SEMA6D: variants seen among roughly 807,000 people sequenced by gnomAD.
The protein encoded by SEMA6D is semaphorin 6D, also known as semaphorin-6D.
SEMA6D carries 35 observed loss-of-function variants against 106.6 expected under a neutral mutation model. The ratio of observed to expected loss-of-function variants is 0.33; its 90% CI spans 0.25 to 0.44. The LOEUF is 0.44. Among genes scored for constraint, SEMA6D ranks in the 20% least tolerant of loss-of-function variants. The probability of loss-of-function intolerance (pLI) is 1.00; values close to 1 mark genes in which losing one functional copy is unlikely to be tolerated. For synonymous variants in SEMA6D, 499 were observed against 487.7 expected (o/e 1.02, Z -0.31); for missense variants, 1,185 against 1,345.9 (o/e 0.88, Z 1.87).
intron 2 of SEMA6D, among the ~76,000 whole-genome samples, chr15:47,431,895 C>A (rs2041540356): frequency 6.6e-6 from 1 of 152,024 alleles, no homozygotes; most frequent in South Asian, 2.1e-4. Context: ...TTATTTATTT[C>A]ATAAGTGTCT....
chr15:47,219,695 T>C lies in SEMA6D; in HGVS notation c.-239+35277T>C, dbSNP rs1157294809. On this transcript the variant is annotated intron_variant, in intron 1 of 19. Coordinates refer to the SEMA6D transcript ENST00000558014. ...GCTAGATAGAATTATATTCTGTACT[T>C]TATCAATTAGCTATTGCTACATAAC... Among the ~76,000 whole-genome samples the C allele has an allele frequency of 2.6e-5, 4 of 152,224 alleles. No homozygotes were observed. In the East Asian group the frequency reaches 7.7e-4, roughly 29 times the overall value.
chr15:47,302,560 G>T (rs1250855089), intron 1 of SEMA6D, among the ~76,000 whole-genome samples: 2 of 152,138 alleles, frequency 1.3e-5, no homozygotes, highest in Non-Finnish European at 2.9e-5. Flanking sequence ...TATTCTGGAT[G>T]AGTGGGTGGG....
At chr15:47,764,413 T>A (rs887367301) in intron 11 of SEMA6D, 108 bp downstream of exon 11, 1 of 1,381,890 alleles carries the variant, frequency 7.2e-7, no homozygotes, top group Non-Finnish European at 9.8e-7. Context: ...CAGGAAGGGG[T>A]CCCTCTCTCA....
chr15:47,727,644 C>A (rs756352102), intron 1 of SEMA6D, among the ~76,000 whole-genome samples: 1 of 152,128 alleles, frequency 6.6e-6, no homozygotes, highest in Non-Finnish European at 1.5e-5. Context: ...CTGCTCAGAG[C>A]TAAAGTGGCT....
chr15:47,330,700 G>A (rs2037309418), intron 1 of SEMA6D, among the ~76,000 whole-genome samples: 1 of 152,266 alleles, frequency 6.6e-6, no homozygotes, highest in East Asian at 1.9e-4. Flanking sequence ...AACTCCACAC[G>A]CAAGCAATGA....
chr15:47,726,202 C>T (rs1157370782), intron 1 of SEMA6D, among the ~76,000 whole-genome samples: 1 of 152,262 alleles, frequency 6.6e-6, no homozygotes, highest in Non-Finnish European at 1.5e-5. Flanking sequence ...CTAGCACTTA[C>T]TGTGTGCTTA....
chr15:47,545,618 A>G (rs1185967652), intron 3 of SEMA6D, among the ~76,000 whole-genome samples: 1 of 152,120 alleles, frequency 6.6e-6, no homozygotes, highest in Admixed American at 6.6e-5. Context: ...GATTAATCTA[A>G]ATCTAACTTC....
intron 1 of SEMA6D, among the ~76,000 whole-genome samples, chr15:47,219,010 G>A (rs1245757417): frequency 6.6e-6 from 1 of 152,074 alleles, no homozygotes; most frequent in Admixed American, 6.6e-5. Flanking sequence ...TTCCAAAGCT[G>A]TTCTTTATAT....
chr15:47,469,201 A>G (rs1173708667), intron 2 of SEMA6D, among the ~76,000 whole-genome samples: 1 of 152,144 alleles, frequency 6.6e-6, no homozygotes, highest in East Asian at 1.9e-4. Context: ...ATTGAACTTT[A>G]TTATGATTTT....
Position 47,764,690 on chromosome 15 carries a change from G to A in SEMA6D, c.1150G>A (p.Asp384Asn), listed in dbSNP as rs766124130. 18 of 1,614,008 alleles carry A rather than the reference G, an allele frequency of 1.1e-5. No homozygotes were observed. Among genetic ancestry groups the A allele is most frequent in the East Asian group, 4.5e-5 (2 of 44,882 alleles). Residue 384 changes from aspartate to asparagine, a missense_variant, in exon 12 of 19, where the codon GAT becomes AAT. By Grantham distance (23) the Asp-to-Asn change is conservative. This residue lies in a region of SEMA6D where 291 missense variants were observed against 423.8 expected (regional missense o/e 0.69). Coordinates refer to ENST00000536845, the MANE Select transcript of SEMA6D (RefSeq NM_001358351.3). Reference protein sequence around the residue: ...GLAEAYKTSIDFPDETLSFIK... With the variant: ...GLAEAYKTSINFPDETLSFIK... Reference sequence around the variant, plus strand: ...TGCCGAAGCTTATAAAACCTCCATCGATTTCCCGGATGAAACTCTGTCATT... The same window carrying A: ...TGCCGAAGCTTATAAAACCTCCATCAATTTCCCGGATGAAACTCTGTCATT...
chr15:47,479,973 C>G (rs1248983732), intron 3 of SEMA6D, among the ~76,000 whole-genome samples: 1 of 150,740 alleles, frequency 6.6e-6, no homozygotes, highest in Non-Finnish European at 1.5e-5. Context: ...TCGAGCAATC[C>G]TCCCACCTCA....
intron 1 of SEMA6D, among the ~76,000 whole-genome samples, chr15:47,205,044 G>C (rs1403501646): frequency 6.6e-6 from 1 of 152,102 alleles, no homozygotes; most frequent in Admixed American, 6.5e-5. Flanking sequence ...GAGGACATAA[G>C]AACATCAAAA....
intron 4 of SEMA6D, among the ~76,000 whole-genome samples, chr15:47,674,032 G>A (rs2078191837): frequency 6.6e-6 from 1 of 151,980 alleles, no homozygotes; most frequent in Non-Finnish European, 1.5e-5. Context: ...GTTGTCCCCG[G>A]ACACTCTCTT....
At chr15:47,406,893 G>C (rs1455360392) in intron 1 of SEMA6D, among the ~76,000 whole-genome samples, 1 of 151,952 alleles carries the variant, frequency 6.6e-6, no homozygotes, top group East Asian at 1.9e-4. Flanking sequence ...ATCACATCGT[G>C]TACCCTAGAT....
intron 3 of SEMA6D, among the ~76,000 whole-genome samples, chr15:47,584,461 T>C (rs1351858341): frequency 6.6e-6 from 1 of 151,354 alleles, no homozygotes; most frequent in East Asian, 1.9e-4. Context: ...TGAATGCAAA[T>C]TGAATGGATG....
At chr15:47,709,936 A>G (rs7165598) in intron 4 of SEMA6D, among the ~76,000 whole-genome samples, 109 of 152,176 alleles carry the variant, frequency 7.2e-4, no homozygotes, top group African/African-American at 2.5e-3. Flanking sequence ...TTACATGGGA[A>G]CCAAGATCAT....
chr15:47,600,390 A>G (rs1271642597), intron 3 of SEMA6D, among the ~76,000 whole-genome samples: 1 of 152,150 alleles, frequency 6.6e-6, no homozygotes, highest in African/African-American at 2.4e-5. Flanking sequence ...TTGTTAAATG[A>G]GAGAAGTTCA....
chr15:47,566,432 G>A (rs2046230744), intron 3 of SEMA6D, among the ~76,000 whole-genome samples: 1 of 152,178 alleles, frequency 6.6e-6, no homozygotes, highest in African/African-American at 2.4e-5. Flanking sequence ...GTGAGCTTTG[G>A]ACCAACTGTA....
chr15:47,306,964 A>G (rs2036257697), intron 1 of SEMA6D, among the ~76,000 whole-genome samples: 1 of 152,210 alleles, frequency 6.6e-6, no homozygotes, highest in Non-Finnish European at 1.5e-5. Flanking sequence ...GTGGCAGTGT[A>G]TTTTAGTATT....
Sources: gnomAD v4.1 joint callset for allele counts (sites outside exome capture counted in the v4.1 genomes callset) on GRCh38, gnomAD v4.1.1 for gene constraint, gnomAD v4.1.1 regional missense constraint, MANE v1.5 for transcripts, NCBI Gene and HGNC (gene_info 2026-07-23, HGNC 2026-07-21) for gene names.